CYP7B1: variants seen among roughly 807,000 people sequenced by gnomAD.
CYP7B1 encodes the protein cytochrome P450 family 7 subfamily B member 1.
Under a neutral mutation model 42.7 loss-of-function variants are expected in CYP7B1, and 29 were observed. That is an observed-to-expected ratio of 0.68 (90% CI 0.51 to 0.93). The LOEUF is 0.93. Ranked by LOEUF, CYP7B1 falls within the 40% of genes least tolerant of loss-of-function variation. The probability of loss-of-function intolerance (pLI) is 0.00; values close to 1 mark genes in which losing one functional copy is unlikely to be tolerated. For synonymous variants in CYP7B1, 235 were observed against 218.2 expected (o/e 1.08, Z -0.68); for missense variants, 655 against 600.5 (o/e 1.09, Z -0.95).
chr8:64,627,313 A>G (rs1805623059), intron 1 of CYP7B1, among the ~76,000 whole-genome samples: 1 of 152,240 alleles, frequency 6.6e-6, no homozygotes, highest in Non-Finnish European at 1.5e-5. Context: ...CCAAAGATTG[A>G]ACAAGAGGAG....
At chr8:64,722,367 C>T (rs1464373149) in intron 1 of CYP7B1, among the ~76,000 whole-genome samples, 1 of 151,812 alleles carries the variant, frequency 6.6e-6, no homozygotes, top group Non-Finnish European at 1.5e-5. Context: ...TGAATATTAG[C>T]CATAAAAATC....
intron 1 of CYP7B1, among the ~76,000 whole-genome samples, chr8:64,790,568 T>C (rs1174828836): frequency 1.3e-5 from 2 of 152,192 alleles, no homozygotes; most frequent in Non-Finnish European, 2.9e-5. Context: ...CAATATGCTT[T>C]TTATTCTTTA....
At chr8:64,747,316 T>A (rs955883550) in intron 1 of CYP7B1, among the ~76,000 whole-genome samples, 1 of 149,342 alleles carries the variant, frequency 6.7e-6, no homozygotes, top group African/African-American at 2.4e-5. Context: ...ATTCATAATA[T>A]ATAAAGTGTA....
intron 1 of CYP7B1, among the ~76,000 whole-genome samples, chr8:64,745,632 C>A (rs933573959): frequency 2.6e-5 from 4 of 152,110 alleles, no homozygotes; most frequent in Non-Finnish European, 4.4e-5. Flanking sequence ...CGGGTATAAT[C>A]ATTTTTCCTC....
intron 1 of CYP7B1, among the ~76,000 whole-genome samples, chr8:64,663,333 C>T (rs1190786849): frequency 1.3e-5 from 2 of 152,108 alleles, no homozygotes; most frequent in African/African-American, 4.8e-5. Context: ...CTCTGTTTTC[C>T]AAGCTCTTAG....
intron 1 of CYP7B1, among the ~76,000 whole-genome samples, chr8:64,761,803 C>T (rs1207459855): frequency 1.3e-5 from 2 of 152,148 alleles, no homozygotes; most frequent in African/African-American, 4.8e-5. Context: ...CTAAATAAGA[C>T]TTCAGATTAC....
chr8:64,629,142 G>A (rs746129069), intron 1 of CYP7B1, among the ~76,000 whole-genome samples: 10 of 150,348 alleles, frequency 6.7e-5, no homozygotes, highest in Non-Finnish European at 8.8e-5. Context: ...CAGGAGAATC[G>A]CTTGAACCTG....
intron 2 of CYP7B1, among the ~76,000 whole-genome samples, chr8:64,617,285 GTCC>G (rs1055123931): frequency 6.6e-6 from 1 of 152,220 alleles, no homozygotes; most frequent in Admixed American, 6.5e-5. Flanking sequence ...TTTCGATGAG[GTCC>G]TCAAGTGATT....
At chr8:64,671,686 C>T (rs1274867353) in intron 1 of CYP7B1, among the ~76,000 whole-genome samples, 1 of 152,092 alleles carries the variant, frequency 6.6e-6, no homozygotes, top group Non-Finnish European at 1.5e-5. Context: ...CACAGGCCAA[C>T]TGCTTAACAT....
intron 1 of CYP7B1, among the ~76,000 whole-genome samples, chr8:64,721,461 A>C (rs897215250): frequency 3.3e-5 from 5 of 152,176 alleles, no homozygotes; most frequent in Admixed American, 6.6e-5. Flanking sequence ...TCAATCTGTA[A>C]AAAGCCAAAT....
downstream of CYP7B1, among the ~76,000 whole-genome samples, chr8:64,587,519 C>T (rs1804984460): frequency 1.3e-5 from 2 of 152,196 alleles, no homozygotes; most frequent in Non-Finnish European, 1.5e-5. Context: ...ACCCCGCAGC[C>T]GCACCAAACC....
At chr8:64,598,247 T>C (rs1805147663) in intron 5 of CYP7B1, among the ~76,000 whole-genome samples, 1 of 152,238 alleles carries the variant, frequency 6.6e-6, no homozygotes, top group South Asian at 2.1e-4. Flanking sequence ...TATTTTACCA[T>C]AGTTCTGGGA....
At chr8:64,695,603 C>A (rs915404389) in intron 1 of CYP7B1, among the ~76,000 whole-genome samples, 1 of 100,144 alleles carries the variant, frequency 1.0e-5, no homozygotes, top group South Asian at 3.9e-4. Flanking sequence ...TATCAAATTC[C>A]TTTTTTTTTT....
At chr8:64,735,453 G>A (rs1161290817) in intron 1 of CYP7B1, among the ~76,000 whole-genome samples, 1 of 152,068 alleles carries the variant, frequency 6.6e-6, no homozygotes, top group Non-Finnish European at 1.5e-5. Context: ...ATTTATATCT[G>A]GATAACAAAA....
At chr8:64,600,431 C>G (rs1305118414) in intron 5 of CYP7B1, among the ~76,000 whole-genome samples, 1 of 152,174 alleles carries the variant, frequency 6.6e-6, no homozygotes, top group African/African-American at 2.4e-5. Context: ...CTTGAATCCA[C>G]TCAATTCATA....
At chr8:64,709,053 A>G (rs1370210702) in intron 1 of CYP7B1, among the ~76,000 whole-genome samples, 1 of 152,170 alleles carries the variant, frequency 6.6e-6, no homozygotes. Context: ...TGTTACTCCA[A>G]TTGGTGGACT....
In CYP7B1 at chr8:64,698,588, AG is replaced by A. The variant is rs1396647033; in HGVS notation, c.123-74050del. On this transcript the variant is annotated intron_variant, in intron 1 of 5. Coordinates refer to ENST00000310193, the MANE Select transcript of CYP7B1 (RefSeq NM_004820.5). The stretch of plus-strand genomic sequence containing the variant: ...ACAGACACAAAATAATTATATGAAA[AG>A]GACAACATATTCAATATGCGAGATG... Among the ~76,000 whole-genome samples, 20 of 152,304 alleles carry A rather than the reference AG, an allele frequency of 1.3e-4. No homozygotes were observed. In the South Asian group the frequency reaches 4.1e-3, roughly 32 times the overall value.
chr8:64,753,618 C>T (rs150795541), intron 1 of CYP7B1, among the ~76,000 whole-genome samples: 15 of 152,310 alleles, frequency 9.8e-5, no homozygotes, highest in African/African-American at 2.9e-4. Context: ...ACAAGACTCT[C>T]GCCCTCATGA....
downstream of CYP7B1, among the ~76,000 whole-genome samples, chr8:64,589,130 G>A (rs1237275700): frequency 1.3e-5 from 2 of 152,188 alleles, no homozygotes; most frequent in African/African-American, 4.8e-5. Context: ...TATGGAAGAT[G>A]TGGGTAGCTC....
Sources: allele counts gnomAD v4.1 joint callset (sites outside exome capture counted in the v4.1 genomes callset), GRCh38; gene constraint gnomAD v4.1.1; transcripts MANE v1.5; gene names NCBI Gene and HGNC (gene_info 2026-07-23, HGNC 2026-07-21).